The following C10orf67 variants were observed in gnomAD, a reference collection of about 807,000 sequenced individuals.
C10orf67 encodes the protein chromosome 10 open reading frame 67, also known as uncharacterized protein C10orf67, mitochondrial.
In C10orf67, 60 loss-of-function variants were observed where a neutral mutation model predicts 35.6. That is an observed-to-expected ratio of 1.68 (90% CI 1.37 to 2.09). The LOEUF (loss-of-function observed/expected upper bound fraction) is 2.09, where lower values mean the gene tolerates loss of function less well. Among genes scored for constraint, C10orf67 ranks in the 30% most tolerant of loss-of-function variants. C10orf67 has a pLI of 0.00. For synonymous variants in C10orf67, 167 were observed against 115.8 expected, an observed-to-expected ratio of 1.44 and a Z score of -2.84; for missense variants, 474 against 330.2, an observed-to-expected ratio of 1.44 and a Z score of -3.38.
chr10:23,292,291 G>T (rs1013041148), intron 5 of C10orf67, among the ~76,000 whole-genome samples: 8 of 149,992 alleles, frequency 5.3e-5, no homozygotes, highest in African/African-American at 2.0e-4. Context: ...AGCTCTAATG[G>T]ATTGGGGAAG....
chr10:23,284,870 T>A (rs564508305), intron 7 of C10orf67, among the ~76,000 whole-genome samples: 5 of 152,334 alleles, frequency 3.3e-5, no homozygotes, highest in African/African-American at 1.2e-4. Flanking sequence ...CCTATCTCAC[T>A]GCCCTGTGGT....
intron 4 of C10orf67, among the ~76,000 whole-genome samples, chr10:23,308,180 T>G (rs1385680079): frequency 1.3e-5 from 2 of 152,072 alleles, no homozygotes; most frequent in African/African-American, 4.8e-5. Context: ...CACGAACTAA[T>G]CAAACTTGTT....
rs369025639 is a variant in C10orf67, at chr10:23,266,736, G to C, written c.1036-310C>G. Among the ~76,000 whole-genome samples, 245 of 152,218 alleles carry C rather than the reference G, an allele frequency of 1.6e-3. 1 individual carries two copies. Among genetic ancestry groups the C allele is most frequent in the African/African-American group, 5.3e-3 (221 of 41,518 alleles). On this transcript the variant is annotated intron_variant, in intron 9 of 15. Coordinates refer to ENST00000636213, the MANE Select transcript of C10orf67 (RefSeq NM_001371909.1). ...TGGAGGGGGGTGGGTGGCAGCTCGA[G>C]GCTTGTATCTAGGTAGGAAGAAGGT...
intron 13 of C10orf67, among the ~76,000 whole-genome samples, chr10:23,233,572 T>C (rs569460605): frequency 6.6e-6 from 1 of 152,276 alleles, no homozygotes; most frequent in South Asian, 2.1e-4. Flanking sequence ...ATTCAAGTAG[T>C]TGGAGAGTTG....
chr10:23,321,618 T>C (rs925147710), intron 3 of C10orf67, among the ~76,000 whole-genome samples: 1 of 152,228 alleles, frequency 6.6e-6, no homozygotes, highest in Non-Finnish European at 1.5e-5. Context: ...AGCTGTTTCT[T>C]GATCTGTAAA....
intron 4 of C10orf67, among the ~76,000 whole-genome samples, chr10:23,307,140 A>G (rs1336519747): frequency 2.0e-5 from 3 of 152,222 alleles, no homozygotes; most frequent in Admixed American, 6.5e-5. Flanking sequence ...ACTATATTAC[A>G]AAACCAAAAA....
At chr10:23,221,625 A>G (rs780742078) in intron 15 of C10orf67, among the ~76,000 whole-genome samples, 2 of 152,192 alleles carry the variant, frequency 1.3e-5, no homozygotes, top group African/African-American at 2.4e-5. Context: ...ATTGGCTGCA[A>G]TATTGCCACT....
chr10:23,220,009 A>C (rs759714251), intron 15 of C10orf67, among the ~76,000 whole-genome samples: 10 of 152,062 alleles, frequency 6.6e-5, no homozygotes, highest in Non-Finnish European at 1.3e-4. Flanking sequence ...CTGTCTTTAC[A>C]AAAAATAAAG....
intron 7 of C10orf67, among the ~76,000 whole-genome samples, chr10:23,287,969 A>G (rs1843598845): frequency 6.6e-6 from 1 of 152,222 alleles, no homozygotes; most frequent in Non-Finnish European, 1.5e-5. Flanking sequence ...TCAGGAAACA[A>G]TAGATGCTGG....
At chr10:23,315,883 A>G (rs1003861692) in intron 4 of C10orf67, among the ~76,000 whole-genome samples, 1 of 152,132 alleles carries the variant, frequency 6.6e-6, no homozygotes, top group African/African-American at 2.4e-5. Context: ...TAGCAGCACA[A>G]TCATGGCTCA....
intron 15 of C10orf67, among the ~76,000 whole-genome samples, chr10:23,216,976 C>G (rs1841448190): frequency 6.6e-6 from 1 of 152,134 alleles, no homozygotes. Flanking sequence ...ACATATAATT[C>G]TCTATATTCC....
chr10:23,203,805 G>A lies in C10orf67; in HGVS notation c.*368C>T, dbSNP rs914451948. The A allele has an allele frequency of 3.6e-5, 6 of 164,868 alleles. No individual in the cohort carries two copies. The highest frequency in any genetic ancestry group is 5.2e-5 in the Non-Finnish European group (4 of 76,818). The allele number at this position is 164,868 out of a possible 1,614,324, so 10.2% of individuals were successfully genotyped here. ...AAAACAGGTTGATGCTTTTGGTATA[G>A]AAAGACTGGATTAGAGAGGGAGTCA... On this transcript the variant is annotated 3_prime_UTR_variant, in exon 16 of 16. Transcript: ENST00000636213.
intron 12 of C10orf67, among the ~76,000 whole-genome samples, chr10:23,248,985 G>T (rs1248554710): frequency 6.6e-6 from 1 of 151,388 alleles, no homozygotes; most frequent in East Asian, 1.9e-4. Context: ...AAAAAATTAG[G>T]TAGGTGTGGT....
intron 10 of C10orf67, among the ~76,000 whole-genome samples, chr10:23,253,906 A>C (rs1564473467): frequency 6.6e-6 from 1 of 152,118 alleles, no homozygotes; most frequent in Non-Finnish European, 1.5e-5. Flanking sequence ...TGTAGACTAG[A>C]GTGTTTGCTC....
chr10:23,270,834 GCTTCTTTAAGTGGAACCCTGAT>G lies in C10orf67; in HGVS notation c.976-3602_976-3581del, dbSNP rs559626490. ...GCTGTGCAGAAATAGTGGCCAGACT[GCTTCTTTAAGTGGAACCCTGAT>G]CCAGCTCTCCTCACTGGGTGGGGCC... is the stretch of plus-strand genomic sequence containing the variant. On this transcript the variant is annotated intron_variant, in intron 8 of 15. Transcript: ENST00000636213. Among the ~76,000 whole-genome samples the G allele has an allele frequency of 3.2e-4, 49 of 152,350 alleles. No homozygotes were observed. In the East Asian group the frequency reaches 9.3e-3, roughly 29 times the overall value.
intron 11 of C10orf67, 34 bp from the exon 12 acceptor site, chr10:23,250,554 T>C (rs1202686026): frequency 2.5e-6 from 1 of 398,544 alleles, no homozygotes; most frequent in African/African-American, 2.1e-5. Flanking sequence ...AAATATTGTA[T>C]TAGTTACAAA....
intron 4 of C10orf67, among the ~76,000 whole-genome samples, chr10:23,315,552 C>T (rs993728769): frequency 2.0e-5 from 3 of 152,078 alleles, no homozygotes; most frequent in Admixed American, 2.0e-4. Context: ...GATACTCCCA[C>T]CTCGGCCTTC....
At chr10:23,285,889 C>G (rs1366521165) in intron 7 of C10orf67, among the ~76,000 whole-genome samples, 1 of 152,238 alleles carries the variant, frequency 6.6e-6, no homozygotes, top group East Asian at 1.9e-4. Flanking sequence ...CAAGGGCCAC[C>G]ATGGCACAGT....
intron 4 of C10orf67, chr10:23,317,970 T>C (rs1026777361): frequency 1.3e-5 from 2 of 151,136 alleles, no homozygotes; most frequent in African/African-American, 4.9e-5. Flanking sequence ...GGTGTGCTGG[T>C]ACATGCCTGT....
Sources: allele counts gnomAD v4.1 joint callset (sites outside exome capture counted in the v4.1 genomes callset), GRCh38; gene constraint gnomAD v4.1.1; transcripts MANE v1.5; gene names NCBI Gene and HGNC (gene_info 2026-07-23, HGNC 2026-07-21).